CCDC93: variants seen among roughly 807,000 people sequenced by gnomAD.
CCDC93 encodes the protein CCC complex scaffolding subunit CCDC93, also known as coiled-coil domain-containing protein 93.
Under a neutral mutation model 108.2 loss-of-function variants are expected in CCDC93, and 61 were observed. The ratio of observed to expected loss-of-function variants is 0.56; its 90% CI spans 0.46 to 0.70. CCDC93 has a LOEUF of 0.70. Among genes scored for constraint, CCDC93 ranks in the 30% least tolerant of loss-of-function variants. CCDC93 has a pLI of 0.00. For synonymous variants in CCDC93, 276 were observed against 260.4 expected (o/e 1.06, Z -0.58); for missense variants, 685 against 764.2 (o/e 0.90, Z 1.22).
chr2:117,941,235 G>C lies in CCDC93; in HGVS notation c.1476C>G (p.Ala492=). 4 of 1,613,928 alleles carry C rather than the reference G, an allele frequency of 2.5e-6. No individual in the cohort carries two copies. The highest frequency in any genetic ancestry group is 1.6e-4 in the Middle Eastern group (1 of 6,062). ...ATCTCTTCTGATACTGTATTAGCTC[G>C]GCACGGCTAGGGACTTCATCAATCT... ...HRKIDEVPSR[A]ELIQYQKRFI... Residue 492 remains alanine, a synonymous_variant, in exon 19 of 24, where the codon GCC becomes GCG. Coordinates refer to ENST00000376300, the MANE Select transcript of CCDC93 (RefSeq NM_019044.5).
At chr2:117,959,974 A>G (rs1481133689) in intron 11 of CCDC93, among the ~76,000 whole-genome samples, 2 of 152,336 alleles carry the variant, frequency 1.3e-5, no homozygotes, top group African/African-American at 4.8e-5. Flanking sequence ...GCCCCACTCT[A>G]AATCACTTAC....
At chr2:118,007,954 T>G (rs1676923527) in intron 2 of CCDC93, among the ~76,000 whole-genome samples, 1 of 152,230 alleles carries the variant, frequency 6.6e-6, no homozygotes, top group South Asian at 2.1e-4. Flanking sequence ...GGTGGCACTT[T>G]CTGCATCATG....
intron 6 of CCDC93, among the ~76,000 whole-genome samples, chr2:117,990,662 AT>A (rs1680449740): frequency 6.6e-6 from 1 of 152,194 alleles, no homozygotes; most frequent in East Asian, 1.9e-4. Context: ...GATACAAACT[AT>A]AGTTGAACTA....
Position 118,013,935 on chromosome 2 carries a change from A to G in CCDC93, c.42+19T>C. The G allele has an allele frequency of 1.3e-6, 2 of 1,568,280 alleles. No individual in the cohort carries two copies. The highest frequency in any genetic ancestry group is 1.2e-5 in the South Asian group (1 of 84,776). ...CTTCAGGAACCCCGACGTGTCAGGG[A>G]AGGAGGAGGCGTTCTTACCTCCGGG... On this transcript the variant is annotated intron_variant, in intron 1 of 23. Transcript: ENST00000376300.
At chr2:118,012,545 T>C (rs1392236762) in intron 1 of CCDC93, 2 of 152,148 alleles carry the variant, frequency 1.3e-5, no homozygotes, top group East Asian at 1.9e-4. Context: ...GGATTTAAAG[T>C]AGAACGTGGG....
rs909896524 is a variant in CCDC93, at chr2:117,936,849, C to T, written c.1606-110G>A. The T allele has an allele frequency of 1.3e-5, 11 of 820,174 alleles. No homozygotes were observed. The Admixed American group carries it at 1.4e-4, about 11-fold the overall frequency. The allele number at this position is 820,174 out of a possible 1,614,324, so 50.8% of individuals were successfully genotyped here. ...CCACATACTGCTTCTGCAAGGAACA[C>T]ATGCCTTGTTTATGAAGATTAAAGT... On this transcript the variant is annotated intron_variant, in intron 20 of 23. Transcript: ENST00000376300.
intron 7 of CCDC93, among the ~76,000 whole-genome samples, chr2:117,981,447 C>T (rs778603341): frequency 5.9e-5 from 9 of 152,180 alleles, no homozygotes; most frequent in Non-Finnish European, 1.0e-4. Flanking sequence ...AGCTCTGATC[C>T]GCAGTGCCGC....
At chr2:117,928,377 A>C (rs1295014162) in intron 23 of CCDC93, among the ~76,000 whole-genome samples, 1 of 152,230 alleles carries the variant, frequency 6.6e-6, no homozygotes, top group Non-Finnish European at 1.5e-5. Context: ...CAAAGGGCTA[A>C]TATCCAGAAT....
At chr2:117,924,597 T>G (rs1016258340) in intron 23 of CCDC93, among the ~76,000 whole-genome samples, 1 of 152,094 alleles carries the variant, frequency 6.6e-6, no homozygotes, top group Non-Finnish European at 1.5e-5. Flanking sequence ...TAAAAAGAAA[T>G]GACCAAAGTC....
intron 1 of CCDC93, among the ~76,000 whole-genome samples, chr2:118,010,330 C>A (rs1676991389): frequency 6.6e-6 from 1 of 152,032 alleles, no homozygotes; most frequent in Non-Finnish European, 1.5e-5. Flanking sequence ...TACTTAAATC[C>A]ATCTAAATAT....
chr2:117,975,338 G>GGACAATA lies in CCDC93; in HGVS notation c.658-65_658-59dup, dbSNP rs1679908942. ...GGGAGATGGAGACTCAGTAGAGAAAGGACAATACTGACAAGAGGCATGAGT... is the reference window on the plus strand; with the variant it reads ...GGGAGATGGAGACTCAGTAGAGAAAGGACAATAGACAATACTGACAAGAGGCATGAGT... On this transcript the variant is annotated intron_variant, in intron 8 of 23. Transcript: ENST00000376300. The GGACAATA allele has an allele frequency of 8.2e-6, 10 of 1,222,272 alleles. No individual in the cohort carries two copies. The East Asian group carries it at 2.3e-4, about 28-fold the overall frequency. The allele number at this position is 1,222,272 out of a possible 1,614,324, so 75.7% of individuals were successfully genotyped here.
Position 117,939,046 on chromosome 2 carries a change from C to A in CCDC93, c.1588G>T (p.Val530Phe). 1 of 1,592,708 alleles carries A rather than the reference C, an allele frequency of 6.3e-7. No individual in the cohort carries two copies. The highest frequency in any genetic ancestry group is 8.6e-7 in the Non-Finnish European group (1 of 1,161,550). ...GTTCTTACCTCTTTTTCCAAATAAA[C>A]CTTTTTATCATCCAGGGTATTATAT... ...TLYNTLDDKK[V>F]YLEKEISLLN... Residue 530 changes from valine to phenylalanine, a missense_variant, in exon 20 of 24, where the codon GTT (valine) becomes TTT (phenylalanine). Coordinates refer to ENST00000376300, the MANE Select transcript of CCDC93 (RefSeq NM_019044.5).
intron 1 of CCDC93, 107 bp downstream of exon 1, chr2:118,013,847 G>T: frequency 2.0e-6 from 2 of 984,668 alleles, no homozygotes; most frequent in Non-Finnish European, 2.9e-6. Flanking sequence ...CTGAGGAAGG[G>T]GGCGGGGCGC....
In CCDC93 at chr2:117,985,712, C is replaced by T. The variant is rs573751321; in HGVS notation, c.620+257G>A. Among the ~76,000 whole-genome samples, 5 of 152,210 alleles carry T rather than the reference C, an allele frequency of 3.3e-5. No homozygotes were observed. In the South Asian group the frequency reaches 1.0e-3, roughly 32 times the overall value. On this transcript the variant is annotated intron_variant, in intron 7 of 23. Coordinates refer to ENST00000376300, the MANE Select transcript of CCDC93 (RefSeq NM_019044.5). ...AACAGGGGCATGCAGGACAGAGTACCTCAGCCTCTGTAAATGCCTGGAACA... is the reference window on the plus strand; with the variant it reads ...AACAGGGGCATGCAGGACAGAGTACTTCAGCCTCTGTAAATGCCTGGAACA...
chr2:117,997,509 T>A (rs1024029733), intron 4 of CCDC93: 4 of 152,218 alleles, frequency 2.6e-5, no homozygotes, highest in Non-Finnish European at 5.9e-5. Context: ...ACATGGCACA[T>A]AACACTGTGC....
At chr2:118,001,558 T>C (rs960593701) in intron 3 of CCDC93, among the ~76,000 whole-genome samples, 5 of 133,634 alleles carry the variant, frequency 3.7e-5, no homozygotes, top group Non-Finnish European at 8.2e-5. Context: ...ACAGAAGAGA[T>C]ATTTTCTGCT....
intron 1 of CCDC93, among the ~76,000 whole-genome samples, chr2:118,010,882 A>T (rs1363733402): frequency 2.0e-5 from 3 of 152,204 alleles, no homozygotes; most frequent in African/African-American, 7.2e-5. Flanking sequence ...TCACAAGTCT[A>T]TCCTGAAATG....
rs944818619 is a variant in CCDC93, at chr2:117,919,089, G to C, written c.*1254C>G. On this transcript the variant is annotated 3_prime_UTR_variant, in exon 24 of 24. Transcript: ENST00000376300. ...GAGCACAAACCTACAGAACATGACT[G>C]AGTTACCAGACTCCTGAGGACCAGG... 1.1e-4 allele frequency: 16 copies of C among 152,172 alleles called. No homozygotes were observed. Among genetic ancestry groups the C allele is most frequent in the African/African-American group, 3.6e-4 (15 of 41,448 alleles). The allele number at this position is 152,172 out of a possible 1,614,324, so 9.4% of individuals were successfully genotyped here.
intron 12 of CCDC93, among the ~76,000 whole-genome samples, chr2:117,953,831 C>G (rs1679135930): frequency 6.6e-6 from 1 of 151,880 alleles, no homozygotes; most frequent in South Asian, 2.1e-4. Flanking sequence ...GAGGCTGAGG[C>G]TGCAGTGAGT....
Sources: allele counts gnomAD v4.1 joint callset (sites outside exome capture counted in the v4.1 genomes callset), GRCh38; gene constraint gnomAD v4.1.1; transcripts MANE v1.5; gene names NCBI Gene and HGNC (gene_info 2026-07-23, HGNC 2026-07-21).